The following RCAN1 variants were observed in gnomAD, a reference collection of about 807,000 sequenced individuals.
RCAN1 encodes the protein regulator of calcineurin 1, also known as calcipressin-1.
RCAN1 carries 11 observed loss-of-function variants against 22.9 expected under a neutral mutation model. The observed-to-expected ratio is 0.48, with a 90% CI of 0.30 to 0.79. The LOEUF (loss-of-function observed/expected upper bound fraction) is 0.79, where lower values mean the gene tolerates loss of function less well. Among genes scored for constraint, RCAN1 ranks in the 30% least tolerant of loss-of-function variants. The pLI is 0.06. For synonymous variants in RCAN1, 136 were observed against 142.3 expected (o/e 0.96, Z 0.32); for missense variants, 291 against 337.8 (o/e 0.86, Z 1.09).
chr21:34,587,398 C>T (rs1987835723), intron 1 of RCAN1, among the ~76,000 whole-genome samples: 1 of 152,084 alleles, frequency 6.6e-6, no homozygotes, highest in Admixed American at 6.5e-5. Flanking sequence ...CTCTTCAATA[C>T]AGGAAACAAA....
At chr21:34,543,335 C>T (rs9636876) in intron 1 of RCAN1, among the ~76,000 whole-genome samples, 36,270 of 151,982 alleles carry the variant, frequency 0.24, 5,018 homozygotes, top group African/African-American at 0.38. Flanking sequence ...TATGGCAGGG[C>T]TGGAGTCGGA....
intron 1 of RCAN1, among the ~76,000 whole-genome samples, chr21:34,611,487 G>A (rs1988686023): frequency 2.0e-5 from 3 of 152,156 alleles, no homozygotes; most frequent in Admixed American, 2.0e-4. Context: ...ATTTTCAAAA[G>A]AATTCTAGTT....
At chr21:34,605,020 A>G (rs1031526212) in intron 1 of RCAN1, among the ~76,000 whole-genome samples, 1 of 152,238 alleles carries the variant, frequency 6.6e-6, no homozygotes, top group Non-Finnish European at 1.5e-5. Flanking sequence ...CATTACATAT[A>G]TGTGATAGTT....
At chr21:34,566,349 C>T (rs1011242065) in intron 1 of RCAN1, among the ~76,000 whole-genome samples, 2 of 152,216 alleles carry the variant, frequency 1.3e-5, no homozygotes, top group African/African-American at 2.4e-5. Flanking sequence ...CTAACATTCC[C>T]TGAGTCCACA....
intron 1 of RCAN1, among the ~76,000 whole-genome samples, chr21:34,564,576 T>C (rs1986936072): frequency 1.3e-5 from 2 of 151,298 alleles, no homozygotes; most frequent in African/African-American, 4.9e-5. Flanking sequence ...TGAATAAGAG[T>C]GGAATAGCAA....
chr21:34,552,431 T>A (rs1386793195), intron 1 of RCAN1, among the ~76,000 whole-genome samples: 2 of 152,224 alleles, frequency 1.3e-5, no homozygotes, highest in African/African-American at 4.8e-5. Flanking sequence ...CTATGCGATG[T>A]TAAGTTGGGT....
intron 1 of RCAN1, chr21:34,525,150 G>A: frequency 6.4e-7 from 1 of 1,550,596 alleles, no homozygotes; most frequent in South Asian, 1.2e-5. Context: ...GGATAAGAGA[G>A]GAGAGTGTCT....
chr21:34,534,507 C>CT (rs1985576668), intron 1 of RCAN1, among the ~76,000 whole-genome samples: 1 of 152,126 alleles, frequency 6.6e-6, no homozygotes, highest in Non-Finnish European at 1.5e-5. Flanking sequence ...GACAATGCAG[C>CT]TTATTCTGCA....
intron 1 of RCAN1, among the ~76,000 whole-genome samples, chr21:34,582,656 C>A (rs1193378223): frequency 6.6e-6 from 1 of 152,214 alleles, no homozygotes; most frequent in African/African-American, 2.4e-5. Context: ...AGGCAAGCAT[C>A]TGGAGCCCGC....
chr21:34,598,224 C>A (rs1988226631), intron 1 of RCAN1, among the ~76,000 whole-genome samples: 1 of 152,082 alleles, frequency 6.6e-6, no homozygotes, highest in South Asian at 2.1e-4. Context: ...TTCTAGAGTT[C>A]CCAAAGAAGA....
At chr21:34,558,825 A>G (rs1986684372) in intron 1 of RCAN1, among the ~76,000 whole-genome samples, 1 of 152,188 alleles carries the variant, frequency 6.6e-6, no homozygotes, top group South Asian at 2.1e-4. Flanking sequence ...TCGCAAAATC[A>G]ACGGTAAAGG....
intron 1 of RCAN1, among the ~76,000 whole-genome samples, chr21:34,560,750 T>C (rs1986759485): frequency 6.6e-6 from 1 of 152,220 alleles, no homozygotes; most frequent in African/African-American, 2.4e-5. Context: ...AGAAGAATGA[T>C]ACATTTGTGC....
At chr21:34,588,626 C>T (rs1221402508) in intron 1 of RCAN1, among the ~76,000 whole-genome samples, 1 of 152,122 alleles carries the variant, frequency 6.6e-6, no homozygotes, top group Non-Finnish European at 1.5e-5. Flanking sequence ...GGAATGGCAG[C>T]TCCTCAAAAA....
intron 1 of RCAN1, among the ~76,000 whole-genome samples, chr21:34,605,123 A>G (rs1458654150): frequency 6.6e-6 from 1 of 152,250 alleles, no homozygotes; most frequent in Admixed American, 6.5e-5. Flanking sequence ...TTAACATTTG[A>G]GTCAGTGGAC....
At chr21:34,531,024 A>G (rs1033419695) in intron 1 of RCAN1, among the ~76,000 whole-genome samples, 5 of 152,224 alleles carry the variant, frequency 3.3e-5, no homozygotes, top group Non-Finnish European at 7.3e-5. Flanking sequence ...TCTCTTCCTC[A>G]TCTTTACCAC....
intron 1 of RCAN1, among the ~76,000 whole-genome samples, chr21:34,604,036 G>A (rs1205787495): frequency 6.6e-6 from 1 of 152,134 alleles, no homozygotes; most frequent in Non-Finnish European, 1.5e-5. Flanking sequence ...CTTCAATGTT[G>A]GCAGATGTTT....
intron 1 of RCAN1, chr21:34,526,529 C>G: frequency 1.2e-6 from 1 of 860,240 alleles, no homozygotes; most frequent in East Asian, 3.1e-5. Context: ...TTTCAAGGCT[C>G]GAAAGACTTT....
At chr21:34,555,500 G>A (rs1986522341) in intron 1 of RCAN1, among the ~76,000 whole-genome samples, 1 of 150,638 alleles carries the variant, frequency 6.6e-6, no homozygotes, top group African/African-American at 2.4e-5. Context: ...TTGAGCCCAG[G>A]AGGTCAGCAC....
At chr21:34,527,008 C>T (rs1985108125) in intron 1 of RCAN1, 1 of 1,263,912 alleles carries the variant, frequency 7.9e-7, no homozygotes. Flanking sequence ...ACGTCAACAC[C>T]TTAGTCATTT....
Sources: gnomAD v4.1 joint callset for allele counts (sites outside exome capture counted in the v4.1 genomes callset) on GRCh38, gnomAD v4.1.1 for gene constraint, MANE v1.5 for transcripts, NCBI Gene and HGNC (gene_info 2026-07-23, HGNC 2026-07-21) for gene names.